NRG2: variants seen among roughly 807,000 people sequenced by gnomAD.
The protein encoded by NRG2 is pro-neuregulin-2, membrane-bound isoform.
A neutral mutation model predicts 73.9 loss-of-function variants in NRG2; 27 were observed. The observed-to-expected ratio is 0.37, with a 90% CI of 0.27 to 0.50. The LOEUF is 0.50. Among genes scored for constraint, NRG2 ranks in the 20% least tolerant of loss-of-function variants. The probability of loss-of-function intolerance (pLI) is 0.96; values close to 1 mark genes in which losing one functional copy is unlikely to be tolerated. For missense variants in NRG2, 1,126 were observed against 1,210.1 expected, an observed-to-expected ratio of 0.93 and a Z score of 1.03; for synonymous variants, 532 against 541.0, an observed-to-expected ratio of 0.98 and a Z score of 0.23.
intron 1 of NRG2, among the ~76,000 whole-genome samples, chr5:139,957,334 TGTG>T (rs1754710560): frequency 6.6e-6 from 1 of 151,866 alleles, no homozygotes; most frequent in Non-Finnish European, 1.5e-5. Flanking sequence ...TGTGTGTGTG[TGTG>T]TGTGTGTGTG....
chr5:139,877,776 T>C (rs1291176136), intron 3 of NRG2, among the ~76,000 whole-genome samples: 1 of 152,186 alleles, frequency 6.6e-6, no homozygotes, highest in African/African-American at 2.4e-5. Flanking sequence ...TTAAAGATCA[T>C]CTAGTTCAGC....
chr5:139,921,043 GA>G (rs1387022828), intron 1 of NRG2, among the ~76,000 whole-genome samples: 1 of 152,020 alleles, frequency 6.6e-6, no homozygotes, highest in African/African-American at 2.4e-5. Context: ...AAATCTAAAA[GA>G]ATATACAAGA....
intron 1 of NRG2, among the ~76,000 whole-genome samples, chr5:140,034,571 A>G (rs1761374251): frequency 6.6e-6 from 1 of 152,176 alleles, no homozygotes; most frequent in Non-Finnish European, 1.5e-5. Context: ...CCACACAATT[A>G]TGTACATAGA....
intron 6 of NRG2, among the ~76,000 whole-genome samples, chr5:139,854,527 T>C (rs958324418): frequency 6.6e-6 from 1 of 152,224 alleles, no homozygotes; most frequent in Non-Finnish European, 1.5e-5. Flanking sequence ...TTTTCTCCAA[T>C]TCTTGGACTT....
Position 140,017,257 on chromosome 5 carries a change from T to C in NRG2, c.700+25113A>G, listed in dbSNP as rs556925476. On this transcript the variant is annotated intron_variant, in intron 1 of 9. Coordinates refer to ENST00000361474, the MANE Select transcript of NRG2 (RefSeq NM_004883.3). ...CTTAAGTGGTTAGATGAGGGAACACTGTTAGAGGACCAAGTTTGGAAAGGG... is the reference window on the plus strand; with the variant it reads ...CTTAAGTGGTTAGATGAGGGAACACCGTTAGAGGACCAAGTTTGGAAAGGG... Among the ~76,000 whole-genome samples the C allele has an allele frequency of 1.2e-4, 18 of 152,214 alleles. No individual in the cohort carries two copies. The South Asian group carries it at 1.7e-3, about 14-fold the overall frequency.
chr5:139,925,908 C>A (rs561085469), intron 1 of NRG2, among the ~76,000 whole-genome samples: 6 of 152,354 alleles, frequency 3.9e-5, no homozygotes, highest in African/African-American at 1.4e-4. Context: ...CCAAGCAGCT[C>A]ATCCATGGAT....
chr5:139,911,060 C>T (rs111442468), intron 1 of NRG2, among the ~76,000 whole-genome samples: 3 of 151,718 alleles, frequency 2.0e-5, no homozygotes, highest in African/African-American at 7.3e-5. Flanking sequence ...GGAGAGCAAA[C>T]GAGGGGAGAG....
intron 1 of NRG2, among the ~76,000 whole-genome samples, chr5:139,955,494 T>C (rs1754552065): frequency 6.6e-6 from 1 of 152,080 alleles, no homozygotes; most frequent in African/African-American, 2.4e-5. Context: ...AAAGGCTACA[T>C]AAACTGGGCT....
intron 1 of NRG2, among the ~76,000 whole-genome samples, chr5:139,910,428 C>T (rs1206181191): frequency 6.6e-6 from 1 of 152,194 alleles, no homozygotes; most frequent in Non-Finnish European, 1.5e-5. Context: ...AATTGATATC[C>T]ACCTACCCAG....
rs142629502 is a variant in NRG2, at chr5:140,010,633, A to G, written c.700+31737T>C. ...AGTCTTAAAAAAAAAAACAGGACAG[A>G]AAATATGCTTTGAACTAAATACTTC... On this transcript the variant is annotated intron_variant, in intron 1 of 9. Coordinates refer to ENST00000361474, the MANE Select transcript of NRG2 (RefSeq NM_004883.3). Among the ~76,000 whole-genome samples, 250 of 152,220 alleles carry G rather than the reference A, an allele frequency of 1.6e-3. 1 individual carries two copies. The highest frequency in any genetic ancestry group is 5.8e-3 in the African/African-American group (241 of 41,538).
chr5:139,932,145 G>C (rs1325711211), intron 1 of NRG2, among the ~76,000 whole-genome samples: 1 of 151,948 alleles, frequency 6.6e-6, no homozygotes, highest in Non-Finnish European at 1.5e-5. Flanking sequence ...CATGTTCATG[G>C]AAGCATTAGT....
chr5:139,874,913 C>T (rs1158066938), intron 3 of NRG2, among the ~76,000 whole-genome samples: 3 of 152,220 alleles, frequency 2.0e-5, no homozygotes, highest in African/African-American at 7.2e-5. Flanking sequence ...CACCTGACTT[C>T]TTAAGCTGGT....
intron 1 of NRG2, among the ~76,000 whole-genome samples, chr5:139,946,155 A>G (rs2126446387): frequency 6.6e-6 from 1 of 152,236 alleles, no homozygotes; most frequent in South Asian, 2.1e-4. Context: ...AAATAGTCAA[A>G]GCAATTTTGA....
chr5:139,886,076 G>A lies in NRG2; in HGVS notation c.872+1264C>T, dbSNP rs373093036. Among the ~76,000 whole-genome samples, 4 of 152,136 alleles carry A rather than the reference G, an allele frequency of 2.6e-5. 1 individual carries two copies. In the South Asian group the frequency reaches 8.3e-4, roughly 32 times the overall value. On this transcript the variant is annotated intron_variant, in intron 2 of 9. Transcript: ENST00000361474. ...AAGGGACATATAGAACCCCCCACTC[G>A]CCACTGGCCATGGCAAGTTCCTTAG...
chr5:139,852,473 A>G lies in NRG2; in HGVS notation c.1503T>C (p.Pro501=). 6.2e-7 allele frequency: 1 copy of G among 1,614,060 alleles called. No homozygotes were observed. The highest frequency in any genetic ancestry group is 1.1e-5 in the South Asian group (1 of 91,072). The change falls in exon 8 of 10, where the codon CCT becomes CCC. Residue 501 remains proline, a synonymous_variant. Coordinates refer to ENST00000361474, the MANE Select transcript of NRG2 (RefSeq NM_004883.3). This position sits in a 1 kb window ranked among gnomAD's most constrained non-coding sequence, Gnocchi z 4.4. ...GTGTGGCTGTGGAGCAGTGGTGAGA[A>G]GGAGAACAGGAGTGGCTCCCAGAGA... ...TTFSGSHSCS[P]SHHCSTATPT... is the part of the protein sequence containing the mutation.
rs181796654 is a variant in NRG2 at position 139,887,788 on chromosome 5, C to T, written c.701-277G>A. On this transcript the variant is annotated intron_variant, in intron 1 of 9. Coordinates refer to ENST00000361474, the MANE Select transcript of NRG2 (RefSeq NM_004883.3). This position sits in a 1 kb window ranked among gnomAD's most constrained non-coding sequence, Gnocchi z 4.5. The stretch of plus-strand genomic sequence containing the variant: ...TAGCTTATGAAACCTTCACAGTAAC[C>T]CCATGAGCTCACAGCAATGGTTAAA... Among the ~76,000 whole-genome samples the T allele has an allele frequency of 1.5e-3, 225 of 152,182 alleles. No homozygotes were observed. The highest frequency in any genetic ancestry group is 2.9e-3 in the Non-Finnish European group (195 of 68,010).
At position 139,868,192 on chromosome 5, in the gene NRG2, C is replaced by T. The variant is rs1177215680; in HGVS notation, c.1113-2567G>A. Among the ~76,000 whole-genome samples the T allele has an allele frequency of 2.0e-5, 3 of 152,104 alleles. No homozygotes were observed. The highest frequency in any genetic ancestry group is 4.4e-5 in the Non-Finnish European group (3 of 68,026). ...TTTGGGGTGCTAGCTCCTTCAGGGA[C>T]CTCCTGGACACTCCTATGTCTCTCC... On this transcript the variant is annotated intron_variant, in intron 4 of 9. Coordinates refer to ENST00000361474, the MANE Select transcript of NRG2 (RefSeq NM_004883.3). The surrounding 1 kb of genome is among the most constrained non-coding windows in gnomAD (Gnocchi z 4.2).
chr5:139,948,065 C>T (rs910508320), intron 1 of NRG2, among the ~76,000 whole-genome samples: 11 of 152,138 alleles, frequency 7.2e-5, no homozygotes, highest in Non-Finnish European at 1.5e-5. Context: ...CAATTACTCC[C>T]TATTTTCTCC....
chr5:139,978,491 T>A (rs1229272615), intron 1 of NRG2, among the ~76,000 whole-genome samples: 1 of 152,216 alleles, frequency 6.6e-6, no homozygotes, highest in Non-Finnish European at 1.5e-5. Context: ...TTTTACACTG[T>A]TGGTGGGACT....
Sources: gnomAD v4.1 joint callset for allele counts (sites outside exome capture counted in the v4.1 genomes callset) on GRCh38, gnomAD v4.1.1 for gene constraint, Gnocchi (gnomAD v3.1) non-coding constraint, MANE v1.5 for transcripts, NCBI Gene and HGNC (gene_info 2026-07-23, HGNC 2026-07-21) for gene names.